TANK: variants seen among roughly 807,000 people sequenced by gnomAD.
TANK encodes the protein TRAF family member associated NFKB activator.
TANK carries 15 observed loss-of-function variants against 43.6 expected under a neutral mutation model. The ratio of observed to expected loss-of-function variants is 0.34; its 90% CI spans 0.23 to 0.53. The LOEUF (loss-of-function observed/expected upper bound fraction) is 0.53. Among genes scored for constraint, TANK ranks in the 20% least tolerant of loss-of-function variants. The pLI is 0.94. For synonymous variants in TANK, 162 were observed against 178.2 expected, an observed-to-expected ratio of 0.91 and a Z score of 0.73; for missense variants, 417 against 498.6, an observed-to-expected ratio of 0.84 and a Z score of 1.56.
Position 161,160,815 on chromosome 2 carries a change from G to A in TANK, c.-50+329G>A, listed in dbSNP as rs1399921669. 5.6e-6 allele frequency: 3 copies of A among 539,460 alleles called. No individual in the cohort carries two copies. In the East Asian group the frequency reaches 1.4e-4, roughly 26 times the overall value. The allele number at this position is 539,460 out of a possible 1,614,324, so 33.4% of individuals were successfully genotyped here. A position where few individuals can be genotyped will look rare whatever the true frequency, so the allele number is the denominator to read the frequency against. The stretch of plus-strand genomic sequence containing the variant: ...GGAAATGGGGGTGGAAGGGCCTGCG[G>A]TGTCGAGGTGAGCAGTGGACCCTCC... On this transcript the variant is annotated intron_variant, in intron 1 of 7. Coordinates refer to ENST00000392749, the MANE Select transcript of TANK (RefSeq NM_001199135.3).
chr2:161,179,422 A>T (rs1248853848), intron 1 of TANK, 192 bp from the exon 2 acceptor site: 1 of 454,628 alleles, frequency 2.2e-6, no homozygotes, highest in African/African-American at 2.0e-5. Context: ...ACATTAGAAT[A>T]AGAATATTTT....
intron 1 of TANK, among the ~76,000 whole-genome samples, chr2:161,167,467 T>A (rs906991912): frequency 2.6e-5 from 4 of 152,164 alleles, no homozygotes; most frequent in African/African-American, 7.2e-5. Flanking sequence ...CTTAAGATAT[T>A]GTATCTATTG....
At chr2:161,219,881 A>G in intron 4 of TANK, 1 of 357,226 alleles carries the variant, frequency 2.8e-6, no homozygotes, top group Non-Finnish European at 5.5e-6. Context: ...TTTTCCTACT[A>G]CTTACTTTTC....
intron 1 of TANK, chr2:161,161,453 G>C (rs1684431120): frequency 6.5e-7 from 1 of 1,549,304 alleles, no homozygotes; most frequent in Non-Finnish European, 8.7e-7. Context: ...AAAAATTATT[G>C]TGTCCTCATT....
chr2:161,211,562 A>C (rs937481224), intron 4 of TANK, among the ~76,000 whole-genome samples: 2 of 152,248 alleles, frequency 1.3e-5, no homozygotes, highest in Admixed American at 1.3e-4. Context: ...ATATTTAGCT[A>C]CTAAGTGATT....
chr2:161,230,458 C>G (rs2105404658), intron 6 of TANK, among the ~76,000 whole-genome samples: 1 of 152,274 alleles, frequency 6.6e-6, no homozygotes, highest in South Asian at 2.1e-4. Context: ...TTCTTTTTCC[C>G]AACTCCTGCA....
At chr2:161,214,534 G>A (rs887962444) in intron 4 of TANK, among the ~76,000 whole-genome samples, 2 of 148,688 alleles carry the variant, frequency 1.3e-5, no homozygotes, top group African/African-American at 5.0e-5. Context: ...TTAACTGAGT[G>A]TGTGACATTA....
chr2:161,191,764 A>C (rs1042144007), intron 2 of TANK, among the ~76,000 whole-genome samples: 32 of 152,182 alleles, frequency 2.1e-4, no homozygotes, highest in African/African-American at 7.7e-4. Context: ...ATACCTGACA[A>C]TACCTTGTAC....
At chr2:161,200,319 ATGAC>A (rs1209471792) in intron 2 of TANK, 15 of 981,332 alleles carry the variant, frequency 1.5e-5, no homozygotes, top group Non-Finnish European at 1.8e-5. Flanking sequence ...AAAAAATACT[ATGAC>A]TGTGCAACAA....
rs78713741 is a variant in TANK, at chr2:161,160,963, C to G, written c.-50+477C>G. The G allele has an allele frequency of 5.6e-3, 2,399 of 431,550 alleles. 9 individuals are homozygous for G. Among genetic ancestry groups the G allele is most frequent in the Non-Finnish European group, 8.1e-3 (1,821 of 223,890 alleles). 26.7% of individuals were successfully genotyped at this position (431,550 alleles called of 1,614,324 possible). ...GTTTTCCCAAGGTGGTTGCACAATT[C>G]CCCTCTGCCTTCCTGTGGGGTGTCA... On this transcript the variant is annotated intron_variant, in intron 1 of 7. Coordinates refer to ENST00000392749, the MANE Select transcript of TANK (RefSeq NM_001199135.3).
intron 4 of TANK, among the ~76,000 whole-genome samples, chr2:161,205,155 ATC>A (rs1199675924): frequency 1.3e-5 from 2 of 152,024 alleles, no homozygotes; most frequent in African/African-American, 4.8e-5. Flanking sequence ...GGGGATCCCT[ATC>A]TCTATAAAAA....
At position 161,204,808 on chromosome 2, in the gene TANK, TGCAGAAA is replaced by T. The variant is rs1370329458; in HGVS notation, c.327+20_327+26del. The T allele has an allele frequency of 2.5e-6, 4 of 1,603,004 alleles. No homozygotes were observed. The highest frequency in any genetic ancestry group is 3.4e-6 in the Non-Finnish European group (4 of 1,176,680). ...AACTACCAAAGGTAGACATTGCTTC[TGCAGAAA>T]GCAGCATTTAAATGCTGATGCGTGA... On this transcript the variant is annotated intron_variant, in intron 4 of 7. Transcript: ENST00000392749.
chr2:161,232,757 T>C (rs762711241), intron 7 of TANK: 14 of 1,550,274 alleles, frequency 9.0e-6, no homozygotes, highest in Non-Finnish European at 1.1e-5. Context: ...TTTCAGTAGA[T>C]GGCACCCTGC....
chr2:161,216,271 C>T, intron 4 of TANK: 1 of 366,758 alleles, frequency 2.7e-6, no homozygotes, highest in Non-Finnish European at 5.4e-6. Context: ...CTAGAAGTTA[C>T]ATCTGGACCG....
At chr2:161,152,119 G>C (rs1231555373) in intron 1 of TANK, among the ~76,000 whole-genome samples, 1 of 152,062 alleles carries the variant, frequency 6.6e-6, no homozygotes, top group Admixed American at 6.5e-5. Context: ...TAAGTTGTGT[G>C]CCAGATTGAT....
chr2:161,147,543 C>T (rs1376970536), intron 1 of TANK, among the ~76,000 whole-genome samples: 2 of 152,176 alleles, frequency 1.3e-5, no homozygotes, highest in African/African-American at 2.4e-5. Context: ...CTCACTGCCT[C>T]CCTTGGCTGT....
chr2:161,195,098 G>A (rs971835345), intron 2 of TANK, among the ~76,000 whole-genome samples: 6 of 152,114 alleles, frequency 3.9e-5, no homozygotes, highest in African/African-American at 7.2e-5. Context: ...GAAATATGTC[G>A]TGTTAAAACT....
upstream of TANK, among the ~76,000 whole-genome samples, chr2:161,159,743 A>G (rs1196232566): frequency 6.6e-6 from 1 of 152,244 alleles, no homozygotes; most frequent in Non-Finnish European, 1.5e-5. Flanking sequence ...TATCTAAGAT[A>G]TGAATCTTAG....
intron 1 of TANK, among the ~76,000 whole-genome samples, chr2:161,171,878 C>A (rs186969878): frequency 7.2e-5 from 11 of 152,132 alleles, no homozygotes; most frequent in Middle Eastern, 3.4e-3. Flanking sequence ...TTTTGGGGGA[C>A]CTTTTTGAGA....
Sources: gnomAD v4.1 joint callset for allele counts (sites outside exome capture counted in the v4.1 genomes callset) on GRCh38, gnomAD v4.1.1 for gene constraint, MANE v1.5 for transcripts, NCBI Gene and HGNC (gene_info 2026-07-23, HGNC 2026-07-21) for gene names.